SPIC: variants seen among roughly 807,000 people sequenced by gnomAD.
The protein encoded by SPIC is Spi-C transcription factor.
SPIC carries 9 observed loss-of-function variants against 16.7 expected under a neutral mutation model. That is an observed-to-expected ratio of 0.54 (90% CI 0.33 to 0.94). The LOEUF (loss-of-function observed/expected upper bound fraction) is 0.94. Ranked by LOEUF, SPIC falls within the 40% of genes least tolerant of loss-of-function variation. The probability of loss-of-function intolerance (pLI) is 0.03; values close to 1 mark genes in which losing one functional copy is unlikely to be tolerated. For missense variants in SPIC, 241 were observed against 285.8 expected, an observed-to-expected ratio of 0.84 and a Z score of 1.13; for synonymous variants, 97 against 102.9, an observed-to-expected ratio of 0.94 and a Z score of 0.35.
chr12:101,482,014 A>G (rs189090778), intron 4 of SPIC, among the ~76,000 whole-genome samples: 7,998 of 137,724 alleles, frequency 0.058, 453 homozygotes, highest in East Asian at 0.34. Context: ...AGGCCGAGGC[A>G]GGTGGATCGC....
chr12:101,482,324 C>G (rs1476447262), intron 4 of SPIC, among the ~76,000 whole-genome samples: 14 of 151,962 alleles, frequency 9.2e-5, no homozygotes. Flanking sequence ...CCTGCCTTGG[C>G]TTCCCAAACT....
intron 4 of SPIC, among the ~76,000 whole-genome samples, chr12:101,480,522 G>A (rs991448279): frequency 6.6e-6 from 1 of 152,208 alleles, no homozygotes; most frequent in African/African-American, 2.4e-5. Flanking sequence ...TCTTTTAGTT[G>A]TCTTCTTCAT....
At chr12:101,483,887 C>A (rs1359116614) in intron 5 of SPIC, among the ~76,000 whole-genome samples, 2 of 152,026 alleles carry the variant, frequency 1.3e-5, no homozygotes, top group Non-Finnish European at 2.9e-5. Flanking sequence ...CCATGCCTGG[C>A]CATATAATTT....
chr12:101,479,384 C>CA (rs1873116372), intron 3 of SPIC, among the ~76,000 whole-genome samples, 198 bp from the exon 4 acceptor site: 1 of 151,826 alleles, frequency 6.6e-6, no homozygotes, highest in African/African-American at 2.4e-5. Context: ...CTGCAAGGAG[C>CA]ATGTTCTCCA....
At chr12:101,476,966 T>C in intron 2 of SPIC, 59 bp downstream of exon 2, 1 of 1,217,062 alleles carries the variant, frequency 8.2e-7, no homozygotes. Flanking sequence ...TACAGCATAA[T>C]AATTAAAAAA....
At chr12:101,478,426 C>G (rs1873032746) in intron 3 of SPIC, among the ~76,000 whole-genome samples, 1 of 152,020 alleles carries the variant, frequency 6.6e-6, no homozygotes, top group Non-Finnish European at 1.5e-5. Context: ...CTCCTGGACT[C>G]AAAAACGAGA....
intron 3 of SPIC, 107 bp downstream of exon 3, chr12:101,477,758 T>G: frequency 1.0e-6 from 1 of 1,002,370 alleles, no homozygotes; most frequent in South Asian, 1.4e-5. Context: ...GGCTCACATC[T>G]GTAATCCCAG....
chr12:101,477,545 A>G lies in SPIC; in HGVS notation c.4-13A>G, dbSNP rs375460533. The G allele has an allele frequency of 1.2e-6, 2 of 1,612,418 alleles. No homozygotes were observed. Among genetic ancestry groups the G allele is most frequent in the Non-Finnish European group, 1.7e-6 (2 of 1,178,496 alleles). ...AATTCGAAAACTCCAGAATTCTATC[A>G]TTGTTCCAACAGACGTGTGTTGAAC... On this transcript the variant is annotated splice_polypyrimidine_tract_variant and intron_variant, in intron 2 of 5. Coordinates refer to ENST00000551346, the MANE Select transcript of SPIC (RefSeq NM_152323.3).
chr12:101,476,689 T>C, intron 1 of SPIC, 139 bp from the exon 2 acceptor site: 4 of 342,348 alleles, frequency 1.2e-5, no homozygotes, highest in Non-Finnish European at 2.1e-5. Context: ...GAAAAAAATT[T>C]GTACTCATCA....
rs181076566 is a variant in SPIC at position 101,482,117 on chromosome 12, A to C, written c.211-675A>C. Among the ~76,000 whole-genome samples, 1,093 of 149,578 alleles carry C rather than the reference A, an allele frequency of 7.3e-3. 14 individuals are homozygous for C. Among genetic ancestry groups the C allele is most frequent in the African/African-American group, 0.025 (1,016 of 40,956 alleles). ...ATTAGCCGGGCATGGTGGCACGCCCAGCTACTAGGGAGGCTGAGGCAGGAG... is the reference window on the plus strand; with the variant it reads ...ATTAGCCGGGCATGGTGGCACGCCCCGCTACTAGGGAGGCTGAGGCAGGAG... On this transcript the variant is annotated intron_variant, in intron 4 of 5. Coordinates refer to ENST00000551346, the MANE Select transcript of SPIC (RefSeq NM_152323.3).
At chr12:101,482,724 G>T (rs1873243523) in intron 4 of SPIC, 68 bp from the exon 5 acceptor site, 2 of 1,444,956 alleles carry the variant, frequency 1.4e-6, no homozygotes, top group South Asian at 2.6e-5. Context: ...CCTAACTTTT[G>T]ACTTCAGCCT....
At chr12:101,479,304 GAAAAAA>G in intron 3 of SPIC, among the ~76,000 whole-genome samples, 1 of 24,584 alleles carries the variant, frequency 4.1e-5, no homozygotes, top group African/African-American at 1.1e-4. Flanking sequence ...AAGAAAGAAA[GAAAAAA>G]GAAAGAAAGA....
chr12:101,478,488 C>G lies in SPIC; in HGVS notation c.97+837C>G, dbSNP rs1873033953. Among the ~76,000 whole-genome samples, 3 of 152,064 alleles carry G rather than the reference C, an allele frequency of 2.0e-5. No homozygotes were observed. In the South Asian group the frequency reaches 6.2e-4, roughly 32 times the overall value. ...TAATTCTAGCAAAGGCAAAATATGT[C>G]CAGGAGTATCTAGCCTAAATAAAAC... On this transcript the variant is annotated intron_variant, in intron 3 of 5. Coordinates refer to ENST00000551346, the MANE Select transcript of SPIC (RefSeq NM_152323.3).
chr12:101,479,768 C>A, intron 4 of SPIC, 74 bp downstream of exon 4: 1 of 1,094,632 alleles, frequency 9.1e-7, no homozygotes, highest in Non-Finnish European at 1.3e-6. Flanking sequence ...CATACACTGT[C>A]TGAAACCCAG....
intron 2 of SPIC, 58 bp from the exon 3 acceptor site, chr12:101,477,500 G>A (rs1306041200): frequency 6.8e-7 from 1 of 1,462,486 alleles, no homozygotes. Flanking sequence ...TTTAAATCAG[G>A]GAGATTAAGT....
intron 4 of SPIC, among the ~76,000 whole-genome samples, chr12:101,482,002 G>A (rs1387814603): frequency 2.9e-5 from 4 of 137,860 alleles, no homozygotes; most frequent in African/African-American, 1.1e-4. Flanking sequence ...CAGCACTTTG[G>A]GAGGCCGAGG....
At chr12:101,479,816 TTC>T in intron 4 of SPIC, 122 bp downstream of exon 4, 3 of 578,816 alleles carry the variant, frequency 5.2e-6, no homozygotes, top group Non-Finnish European at 5.2e-6. Context: ...GGTTTTTTCT[TTC>T]TTTTTTTTTT....
intron 5 of SPIC, 150 bp downstream of exon 5, chr12:101,483,050 C>G: frequency 1.6e-6 from 1 of 613,674 alleles, no homozygotes; most frequent in Non-Finnish European, 2.8e-6. Context: ...CTTCTTGAAA[C>G]AGTCCAAGCC....
chr12:101,481,838 A>C (rs1425474314), intron 4 of SPIC, among the ~76,000 whole-genome samples: 9 of 150,458 alleles, frequency 6.0e-5, no homozygotes, highest in African/African-American at 2.2e-4. Context: ...CTTTTAGTAG[A>C]GACGGGGTTT....
Sources: allele counts gnomAD v4.1 joint callset (sites outside exome capture counted in the v4.1 genomes callset), GRCh38; gene constraint gnomAD v4.1.1; transcripts MANE v1.5; gene names NCBI Gene and HGNC (gene_info 2026-07-23, HGNC 2026-07-21).